Variants in RBMS3 observed in about 807,000 individuals in gnomAD.
RBMS3 encodes RNA-binding motif, single-stranded-interacting protein 3.
In RBMS3, 27 loss-of-function variants were observed where a neutral mutation model predicts 66.8. The ratio of observed to expected loss-of-function variants is 0.40; its 90% CI spans 0.30 to 0.56. The LOEUF (loss-of-function observed/expected upper bound fraction) is 0.56. RBMS3 is among the 20% of genes least tolerant of loss of function. RBMS3 has a pLI of 0.40. For missense variants in RBMS3, 513 were observed against 549.5 expected, an observed-to-expected ratio of 0.93 and a Z score of 0.66; for synonymous variants, 188 against 183.0, an observed-to-expected ratio of 1.03 and a Z score of -0.22.
chr3:29,749,879 T>C (rs191048373), intron 5 of RBMS3, among the ~76,000 whole-genome samples: 1 of 152,206 alleles, frequency 6.6e-6, no homozygotes, highest in Non-Finnish European at 1.5e-5. Flanking sequence ...CACATTCTTA[T>C]TGAACTTATG....
At chr3:29,314,320 A>G (rs886983430) in intron 1 of RBMS3, among the ~76,000 whole-genome samples, 1 of 151,684 alleles carries the variant, frequency 6.6e-6, no homozygotes, top group South Asian at 2.1e-4. Flanking sequence ...CTTCTCATGT[A>G]TTATGGGATT....
chr3:29,387,042 A>G (rs2039040767), intron 1 of RBMS3, among the ~76,000 whole-genome samples: 1 of 152,148 alleles, frequency 6.6e-6, no homozygotes. Context: ...CAATCTCGCC[A>G]GCTTGATTTC....
chr3:29,746,550 C>G (rs978726832), intron 5 of RBMS3, among the ~76,000 whole-genome samples: 2 of 152,116 alleles, frequency 1.3e-5, no homozygotes, highest in African/African-American at 4.8e-5. Flanking sequence ...TCCTGGACCC[C>G]CTGCAGCTTC....
At chr3:29,451,846 G>A (rs2042027237) in intron 2 of RBMS3, among the ~76,000 whole-genome samples, 1 of 152,160 alleles carries the variant, frequency 6.6e-6, no homozygotes, top group African/African-American at 2.4e-5. Flanking sequence ...AGCATACCAC[G>A]TTCATGTTGT....
chr3:29,640,711 A>AT (rs146709766), intron 4 of RBMS3, among the ~76,000 whole-genome samples: 11,813 of 151,880 alleles, frequency 0.078, 805 homozygotes, highest in East Asian at 0.35. Context: ...GGTCCTTGGC[A>AT]TTTTTTCCTT....
intron 6 of RBMS3, among the ~76,000 whole-genome samples, chr3:29,815,585 C>A (rs2057864576): frequency 1.3e-5 from 2 of 151,910 alleles, no homozygotes; most frequent in African/African-American, 2.4e-5. Flanking sequence ...ATATATACAC[C>A]ATGGAATAAT....
intron 3 of RBMS3, among the ~76,000 whole-genome samples, chr3:29,497,798 C>T (rs1415520744): frequency 1.3e-5 from 2 of 151,992 alleles, no homozygotes; most frequent in South Asian, 4.2e-4. Context: ...CAGGACAGTT[C>T]TGAGTAGTCA....
chr3:29,391,733 C>A (rs1402918612), intron 1 of RBMS3, among the ~76,000 whole-genome samples: 1 of 152,084 alleles, frequency 6.6e-6, no homozygotes, highest in Non-Finnish European at 1.5e-5. Flanking sequence ...ACTTTGCAGT[C>A]TCTACTTTCT....
At position 29,926,429 on chromosome 3, in the gene RBMS3, T is replaced by C. The variant is rs146188998; in HGVS notation, c.940-9657T>C. Among the ~76,000 whole-genome samples, 590 of 152,272 alleles carry C rather than the reference T, an allele frequency of 3.9e-3. 6 individuals carry two copies. The East Asian group carries it at 0.044, about 11-fold the overall frequency. The stretch of plus-strand genomic sequence containing the variant: ...CTACTTTCTTAGTAATAGCCAAAAA[T>C]TGAGGTGCCTTGTGACATATTTAGG... On this transcript the variant is annotated intron_variant, in intron 10 of 14. Transcript: ENST00000383767.
chr3:29,804,739 G>T lies in RBMS3; in HGVS notation c.637+41750G>T, dbSNP rs555896923. Among the ~76,000 whole-genome samples, 5 of 152,110 alleles carry T rather than the reference G, an allele frequency of 3.3e-5. No homozygotes were observed. The South Asian group carries it at 1.0e-3, about 32-fold the overall frequency. On this transcript the variant is annotated intron_variant, in intron 6 of 14. Coordinates refer to ENST00000383767, the MANE Select transcript of RBMS3 (RefSeq NM_001003793.3). ...TAATTTCTTCCTTGTCAAAAAGTCA[G>T]TTTGTTCACATTCAGAGCATAAATG...
intron 5 of RBMS3, among the ~76,000 whole-genome samples, chr3:29,755,493 C>T (rs1414023070): frequency 6.6e-6 from 1 of 152,124 alleles, no homozygotes; most frequent in Admixed American, 6.5e-5. Context: ...GAGTATTTAC[C>T]AAATATTTAC....
intron 3 of RBMS3, among the ~76,000 whole-genome samples, chr3:29,491,689 T>C (rs1035898246): frequency 7.9e-5 from 12 of 152,146 alleles, no homozygotes; most frequent in Admixed American, 6.5e-5. Flanking sequence ...GAAAGGCATC[T>C]GTAAGAAATT....
At chr3:29,505,213 C>G (rs558303943) in intron 3 of RBMS3, among the ~76,000 whole-genome samples, 1 of 151,646 alleles carries the variant, frequency 6.6e-6, no homozygotes, top group East Asian at 1.9e-4. Context: ...ATTTTTAATC[C>G]CTTTTGAGTT....
At chr3:29,665,521 AATTT>A (rs2050717345) in intron 4 of RBMS3, among the ~76,000 whole-genome samples, 1 of 152,192 alleles carries the variant, frequency 6.6e-6, no homozygotes, top group African/African-American at 2.4e-5. Flanking sequence ...CAAACTAGTT[AATTT>A]GTCAGGAATC....
rs1241116408 is a variant in RBMS3 at position 29,943,865 on chromosome 3, T to C, written c.1051-342T>C. Among the ~76,000 whole-genome samples the C allele has an allele frequency of 4.0e-5, 6 of 151,886 alleles. No individual in the cohort carries two copies. The East Asian group carries it at 1.2e-3, about 30-fold the overall frequency. ...TATCATGCTCTGGGCCCCCTCTAAA[T>C]GGGCTGCCTTGTAGAACTCTTTTGT... On this transcript the variant is annotated intron_variant, in intron 11 of 14. Coordinates refer to ENST00000383767, the MANE Select transcript of RBMS3 (RefSeq NM_001003793.3).
intron 4 of RBMS3, among the ~76,000 whole-genome samples, chr3:29,644,495 C>T (rs1309613779): frequency 6.6e-6 from 1 of 152,130 alleles, no homozygotes; most frequent in Non-Finnish European, 1.5e-5. Context: ...TAGAGCCTAA[C>T]GTGTCTCAGA....
At chr3:29,747,756 C>G (rs969701155) in intron 5 of RBMS3, among the ~76,000 whole-genome samples, 1 of 152,128 alleles carries the variant, frequency 6.6e-6, no homozygotes, top group African/African-American at 2.4e-5. Flanking sequence ...TTGGAAAAGG[C>G]AACATTCGTT....
chr3:29,904,711 A>G (rs1170157614), intron 10 of RBMS3, among the ~76,000 whole-genome samples: 1 of 152,048 alleles, frequency 6.6e-6, no homozygotes, highest in Non-Finnish European at 1.5e-5. Flanking sequence ...ACCTCAATTA[A>G]AAGCAGGTAA....
chr3:29,798,313 G>A (rs1316567172), intron 6 of RBMS3, among the ~76,000 whole-genome samples: 18 of 80,882 alleles, frequency 2.2e-4, no homozygotes, highest in African/African-American at 9.3e-4. Context: ...GGGGAAGGGA[G>A]GGGAAGGGAA....
Sources: allele counts gnomAD v4.1 joint callset (sites outside exome capture counted in the v4.1 genomes callset), GRCh38; gene constraint gnomAD v4.1.1; transcripts MANE v1.5; gene names NCBI Gene and HGNC (gene_info 2026-07-23, HGNC 2026-07-21).